SON: variants seen among roughly 807,000 people sequenced by gnomAD.
SON encodes the protein SON DNA and RNA binding protein.
Under a neutral mutation model 173.3 loss-of-function variants are expected in SON, and 4 were observed. The observed-to-expected ratio is 0.02, with a 90% CI of 0.01 to 0.05. The LOEUF (loss-of-function observed/expected upper bound fraction) is 0.05, where lower values mean the gene tolerates loss of function less well. Among genes scored for constraint, SON ranks in the 10% least tolerant of loss-of-function variants. The pLI is 1.00. For synonymous variants in SON, 1,190 were observed against 1,105.9 expected (o/e 1.08, Z -1.51); for missense variants, 2,626 against 3,055.3 (o/e 0.86, Z 3.31).
Position 33,549,507 on chromosome 21 carries a change from C to T in SON, c.276C>T (p.Cys92=), listed in dbSNP as rs1457885419. 14 of 1,547,640 alleles carry T rather than the reference C, an allele frequency of 9.0e-6. No individual in the cohort carries two copies. The highest frequency in any genetic ancestry group is 6.8e-5 in the East Asian group (3 of 44,282). Residue 92 remains cysteine, a synonymous_variant, in exon 3 of 12, where the codon TGC becomes TGT. Transcript: ENST00000356577. ...DLKEGSRKSR[C]VSVQTDPTDE... is the part of the protein sequence containing the mutation. The stretch of plus-strand genomic sequence containing the variant: ...AAGAGGGCTCCAGAAAAAGTAGATG[C>T]GTATCTGTACAAACAGATCCTACTG...
intron 6 of SON, among the ~76,000 whole-genome samples, chr21:33,563,633 T>G (rs1601284351): frequency 6.6e-6 from 1 of 152,226 alleles, no homozygotes; most frequent in South Asian, 2.1e-4. Context: ...TCACTGATAT[T>G]CTAAGAAGTC....
intron 1 of SON, among the ~76,000 whole-genome samples, chr21:33,545,816 C>T (rs898849883): frequency 1.3e-5 from 2 of 152,150 alleles, no homozygotes; most frequent in African/African-American, 4.8e-5. Context: ...ACAGCTGTGG[C>T]TTTAATGTAG....
Position 33,551,600 on chromosome 21 carries a change from C to G in SON, c.2369C>G (p.Thr790Ser). Residue 790 changes from threonine to serine, a missense_variant, in exon 3 of 12, where the codon ACT becomes AGT. Coordinates refer to ENST00000356577, the MANE Select transcript of SON (RefSeq NM_138927.4). ...GACTCCCAGATGTTAGCAACTAGCA[C>G]TATGGACTCCCAGATGTTAGCAACC... The part of the protein sequence containing the change: ...SMDSQMLATS[T>S]MDSQMLATSS... 1.2e-6 allele frequency: 2 copies of G among 1,612,600 alleles called. No homozygotes were observed. Among genetic ancestry groups the G allele is most frequent in the South Asian group, 2.2e-5 (2 of 90,966 alleles).
At position 33,555,322 on chromosome 21, in the gene SON, T is replaced by A; in HGVS notation, c.6091T>A (p.Ser2031Thr). The A allele has an allele frequency of 6.2e-7, 1 of 1,606,632 alleles. No individual in the cohort carries two copies. Among genetic ancestry groups the A allele is most frequent in the Non-Finnish European group, 8.5e-7 (1 of 1,176,690 alleles). ...RTPLRRRFSR[S>T]PIRRKRSRSS... ...ACCCTTAAGAAGAAGGTTTAGCAGA[T>A]CTCCCATCCGTCGTAAAAGATCCAG... Residue 2031 changes from serine to threonine, a missense_variant, in exon 3 of 12, where the codon TCT becomes ACT. By Grantham distance (58) the Ser-to-Thr change is moderately conservative. Coordinates refer to ENST00000356577, the MANE Select transcript of SON (RefSeq NM_138927.4).
In SON at chr21:33,559,196, A is replaced by G; in HGVS notation, c.6322-34A>G. On this transcript the variant is annotated intron_variant, in intron 4 of 11. Coordinates refer to ENST00000356577, the MANE Select transcript of SON (RefSeq NM_138927.4). This position sits in a 1 kb window ranked among gnomAD's most constrained non-coding sequence, Gnocchi z 4.1. ...AAATTACATGTTCTACATAAAGCGTAAGATTTATCTTTTGTTTGTTTTTAC... is the reference window on the plus strand; with the variant it reads ...AAATTACATGTTCTACATAAAGCGTGAGATTTATCTTTTGTTTGTTTTTAC... The G allele has an allele frequency of 6.7e-7, 1 of 1,485,140 alleles. No individual in the cohort carries two copies. The highest frequency in any genetic ancestry group is 9.0e-7 in the Non-Finnish European group (1 of 1,108,240). The allele number at this position is 1,485,140 out of a possible 1,614,324, so 92.0% of individuals were successfully genotyped here. A position where few individuals can be genotyped will look rare whatever the true frequency, so the allele number is the denominator to read the frequency against.
chr21:33,564,284 A>G (rs545221926), intron 6 of SON, among the ~76,000 whole-genome samples: 60 of 152,154 alleles, frequency 3.9e-4, no homozygotes, highest in Non-Finnish European at 7.1e-4. Flanking sequence ...CACTAGTTAC[A>G]TTTCAAGTGC....
intron 1 of SON, among the ~76,000 whole-genome samples, chr21:33,545,729 G>T (rs900000351): frequency 2.0e-5 from 3 of 152,216 alleles, no homozygotes; most frequent in Non-Finnish European, 4.4e-5. Context: ...GAGGTTACAG[G>T]TTACCCTTTT....
intron 8 of SON, 126 bp downstream of exon 8, chr21:33,569,213 A>G: frequency 1.6e-6 from 1 of 619,876 alleles, no homozygotes. Flanking sequence ...TGCTATGTGT[A>G]TATGCTCCAG....
At chr21:33,557,344 C>A in intron 4 of SON, 28 bp downstream of exon 4, 1 of 1,611,244 alleles carries the variant, frequency 6.2e-7, no homozygotes, top group South Asian at 1.1e-5. Context: ...TGTTTTCATT[C>A]TTAAATGGAT....
At position 33,550,813 on chromosome 21, in the gene SON, C is replaced by G. The variant is rs1267506573; in HGVS notation, c.1582C>G (p.Pro528Ala). 2 of 1,613,964 alleles carry G rather than the reference C, an allele frequency of 1.2e-6. No homozygotes were observed. The highest frequency in any genetic ancestry group is 1.7e-6 in the Non-Finnish European group (2 of 1,179,938). ...GACAACGGTGGAACATCCTGGGCATCCTGAGGTGACAACGGCAACAGGGTT... is the reference window on the plus strand; with the variant it reads ...GACAACGGTGGAACATCCTGGGCATGCTGAGGTGACAACGGCAACAGGGTT... Reference protein sequence around the residue: ...GMTTVEHPGHPEVTTATGLLG... With the variant: ...GMTTVEHPGHAEVTTATGLLG... Residue 528 changes from proline (P) to alanine (A), a missense_variant, in exon 3 of 12, where the codon CCT becomes GCT. Around this residue, in one of 13 missense-constraint regions of SON, gnomAD observed 757 missense variants for 730.1 expected, o/e 1.04. Transcript: ENST00000356577.
Position 33,559,427 on chromosome 21 carries a change from T to C in SON, c.6468+51T>C, listed in dbSNP as rs780102348. ...TAAAACAGTGTAACTTGTGGAACTA[T>C]TTAAATAAAACCCAAATCGAATTTA... is the stretch of plus-strand genomic sequence containing the variant. On this transcript the variant is annotated intron_variant, in intron 5 of 11. Coordinates refer to ENST00000356577, the MANE Select transcript of SON (RefSeq NM_138927.4). This position sits in a 1 kb window ranked among gnomAD's most constrained non-coding sequence, Gnocchi z 4.1. 1 of 1,542,872 alleles carries C rather than the reference T, an allele frequency of 6.5e-7. No homozygotes were observed. The highest frequency in any genetic ancestry group is 8.7e-7 in the Non-Finnish European group (1 of 1,145,318).
chr21:33,562,906 T>G (rs2086094485), intron 6 of SON, among the ~76,000 whole-genome samples: 1 of 152,158 alleles, frequency 6.6e-6, no homozygotes, highest in South Asian at 2.1e-4. Context: ...GGATTTAGTA[T>G]CAATCAAATG....
intron 6 of SON, among the ~76,000 whole-genome samples, chr21:33,561,444 G>GA (rs899169617): frequency 1.1e-3 from 158 of 150,172 alleles, no homozygotes; most frequent in Admixed American, 4.6e-3. Flanking sequence ...AAAAGAGTTG[G>GA]AAAAAAAAAT....
In SON at chr21:33,553,120, G is replaced by T. The variant is rs776034939; in HGVS notation, c.3889G>T (p.Val1297Leu). 2 of 1,614,100 alleles carry T rather than the reference G, an allele frequency of 1.2e-6. No homozygotes were observed. The highest frequency in any genetic ancestry group is 8.5e-7 in the Non-Finnish European group (1 of 1,180,060). ...ETPAMSAEPTVLASEPPVMSE... is the reference protein window; with the variant it reads ...ETPAMSAEPTLLASEPPVMSE... ...TCCCGCCATGTCAGCTGAACCAACT[G>T]TGTTAGCATCAGAGCCTCCTGTTAT... Residue 1297 changes from valine (V) to leucine (L), a missense_variant, in exon 3 of 12, where the codon GTG becomes TTG. Physicochemically the swap from Val to Leu is conservative, Grantham distance 32. Coordinates refer to ENST00000356577, the MANE Select transcript of SON (RefSeq NM_138927.4).
intron 1 of SON, 44 bp from the exon 2 acceptor site, chr21:33,546,169 G>T: frequency 6.7e-7 from 1 of 1,498,950 alleles, no homozygotes; most frequent in Non-Finnish European, 9.1e-7. Context: ...TTTATTAATG[G>T]TATGATAAAA....
rs563284560 is a variant in SON, at chr21:33,564,889, A to T, written c.6658-2268A>T. Among the ~76,000 whole-genome samples, 36 of 150,742 alleles carry T rather than the reference A, an allele frequency of 2.4e-4. 1 individual carries two copies. In the South Asian group the frequency reaches 7.1e-3, roughly 30 times the overall value. On this transcript the variant is annotated intron_variant, in intron 6 of 11. Coordinates refer to ENST00000356577, the MANE Select transcript of SON (RefSeq NM_138927.4). ...AAAAAAAAAAAAAAAAAATGAAACC[A>T]GTAGTCAAATTACTATTTGGTAATA...
chr21:33,565,772 A>C (rs966323094), intron 6 of SON, among the ~76,000 whole-genome samples: 1 of 152,218 alleles, frequency 6.6e-6, no homozygotes, highest in Non-Finnish European at 1.5e-5. Context: ...TTTATATATT[A>C]ACATAAACAG....
intron 1 of SON, among the ~76,000 whole-genome samples, chr21:33,543,933 G>C (rs1276846832): frequency 6.6e-6 from 1 of 152,144 alleles, no homozygotes; most frequent in Admixed American, 6.5e-5. Context: ...CATAATTTGC[G>C]CTTGGCTTCA....
At position 33,543,067 on chromosome 21, in the gene SON, G is replaced by A. The variant is rs754849912; in HGVS notation, c.-26G>A. 1.6e-5 allele frequency: 25 copies of A among 1,610,958 alleles called. No individual in the cohort carries two copies. The Middle Eastern group carries it at 1.7e-3, about 106-fold the overall frequency. ...TGGGAGCCTGGAGGACTAGCGAGGA[G>A]GAGTTGAGAGAACGGAGCGGACGCC... On this transcript the variant is annotated 5_prime_UTR_variant, in exon 1 of 12. Coordinates refer to ENST00000356577, the MANE Select transcript of SON (RefSeq NM_138927.4).
Sources: gnomAD v4.1 joint callset for allele counts (sites outside exome capture counted in the v4.1 genomes callset) on GRCh38, gnomAD v4.1.1 for gene constraint, gnomAD v4.1.1 regional missense constraint, Gnocchi (gnomAD v3.1) non-coding constraint, MANE v1.5 for transcripts, NCBI Gene and HGNC (gene_info 2026-07-23, HGNC 2026-07-21) for gene names.